The following ARHGAP10 variants were observed in gnomAD, a reference collection of about 807,000 sequenced individuals.
ARHGAP10 encodes rho GTPase-activating protein 10.
ARHGAP10 carries 87 observed loss-of-function variants against 108.6 expected under a neutral mutation model. The ratio of observed to expected loss-of-function variants is 0.80; its 90% CI spans 0.67 to 0.96. The LOEUF (loss-of-function observed/expected upper bound fraction) is 0.96. ARHGAP10 is among the 40% of genes least tolerant of loss of function. The pLI is 0.00. For missense variants in ARHGAP10, 939 were observed against 954.5 expected, an observed-to-expected ratio of 0.98 and a Z score of 0.21; for synonymous variants, 347 against 341.1, an observed-to-expected ratio of 1.02 and a Z score of -0.19.
At chr4:147,735,650 A>C (rs779602928) in intron 1 of ARHGAP10, among the ~76,000 whole-genome samples, 62 of 152,212 alleles carry the variant, frequency 4.1e-4, no homozygotes, top group Non-Finnish European at 7.6e-4. Context: ...CATAATAGCA[A>C]AGAGATGGTT....
chr4:147,919,147 C>A (rs1737118949), intron 13 of ARHGAP10, among the ~76,000 whole-genome samples: 1 of 152,192 alleles, frequency 6.6e-6, no homozygotes, highest in Non-Finnish European at 1.5e-5. Flanking sequence ...AGGCTTCAGA[C>A]AAATGTCTAA....
At chr4:147,855,692 T>G (rs1373831348) in intron 4 of ARHGAP10, among the ~76,000 whole-genome samples, 10 of 151,330 alleles carry the variant, frequency 6.6e-5, no homozygotes, top group African/African-American at 2.4e-4. Flanking sequence ...GTTTTTTTTT[T>G]TTTTTTTTTT....
intron 1 of ARHGAP10, among the ~76,000 whole-genome samples, chr4:147,787,430 T>C (rs1270618632): frequency 7.7e-6 from 1 of 129,050 alleles, no homozygotes; most frequent in Non-Finnish European, 1.7e-5. Context: ...ATCACTCTCT[T>C]GGCTGAGTGG....
At chr4:147,773,499 T>C (rs1579026434) in intron 1 of ARHGAP10, among the ~76,000 whole-genome samples, 1 of 152,332 alleles carries the variant, frequency 6.6e-6, no homozygotes, top group East Asian at 1.9e-4. Flanking sequence ...CAGTGTTATG[T>C]TTTACAGCAT....
At chr4:148,049,832 T>G (rs1400026425) in intron 20 of ARHGAP10, among the ~76,000 whole-genome samples, 1 of 17,042 alleles carries the variant, frequency 5.9e-5, no homozygotes, top group Non-Finnish European at 1.3e-4. Flanking sequence ...TTTTTTTGGG[T>G]GGGGGGGCGG....
intron 1 of ARHGAP10, among the ~76,000 whole-genome samples, chr4:147,751,913 G>A (rs1268716494): frequency 1.4e-5 from 2 of 144,180 alleles, no homozygotes; most frequent in East Asian, 4.1e-4. Flanking sequence ...TTAAGATGGA[G>A]TGTTGCTCTG....
intron 10 of ARHGAP10, among the ~76,000 whole-genome samples, chr4:147,893,517 AATAT>A (rs776406707): frequency 6.8e-6 from 1 of 147,546 alleles, no homozygotes; most frequent in African/African-American, 2.5e-5. Context: ...GTATAATAAG[AATAT>A]ATATATTTCA....
intron 18 of ARHGAP10, among the ~76,000 whole-genome samples, chr4:147,975,281 G>T (rs376152015): frequency 6.6e-6 from 1 of 152,122 alleles, no homozygotes; most frequent in African/African-American, 2.4e-5. Flanking sequence ...CTGCCCAGAG[G>T]TGTCTTCATG....
At chr4:147,841,591 T>C (rs749729690) in intron 3 of ARHGAP10, among the ~76,000 whole-genome samples, 2 of 152,184 alleles carry the variant, frequency 1.3e-5, no homozygotes, top group Non-Finnish European at 2.9e-5. Context: ...ATATAATATT[T>C]CTGTGAAATT....
chr4:147,820,811 A>G (rs781624902), intron 1 of ARHGAP10, among the ~76,000 whole-genome samples: 2 of 151,918 alleles, frequency 1.3e-5, no homozygotes, highest in Non-Finnish European at 2.9e-5. Flanking sequence ...GGCTAGTCTC[A>G]AACTCCTGGT....
chr4:147,937,513 C>T (rs775036774), intron 13 of ARHGAP10, among the ~76,000 whole-genome samples: 2 of 152,132 alleles, frequency 1.3e-5, no homozygotes, highest in Non-Finnish European at 1.5e-5. Context: ...ATTTGTAAAA[C>T]TTAAAAAATA....
At chr4:147,838,289 C>A (rs1023878248) in intron 3 of ARHGAP10, among the ~76,000 whole-genome samples, 1 of 152,062 alleles carries the variant, frequency 6.6e-6, no homozygotes, top group Non-Finnish European at 1.5e-5. Flanking sequence ...GTTAGCAGCC[C>A]ATTTGGACAG....
At chr4:147,999,289 A>C (rs2149642918) in intron 18 of ARHGAP10, among the ~76,000 whole-genome samples, 1 of 152,350 alleles carries the variant, frequency 6.6e-6, no homozygotes, top group South Asian at 2.1e-4. Context: ...AGTGATTGGG[A>C]TATAAACCCA....
chr4:147,770,482 G>C (rs1331569426), intron 1 of ARHGAP10, among the ~76,000 whole-genome samples: 1 of 152,174 alleles, frequency 6.6e-6, no homozygotes, highest in Non-Finnish European at 1.5e-5. Context: ...CTGAGATTGT[G>C]CTACTGCACT....
chr4:147,780,545 G>A (rs1374454635), intron 1 of ARHGAP10, among the ~76,000 whole-genome samples: 3 of 66,914 alleles, frequency 4.5e-5, no homozygotes, highest in Non-Finnish European at 6.3e-5. Context: ...AGGGCCTTGG[G>A]AAGAAGGAGA....
chr4:147,934,513 G>A (rs1435607853), intron 13 of ARHGAP10, among the ~76,000 whole-genome samples: 1 of 152,166 alleles, frequency 6.6e-6, no homozygotes, highest in Non-Finnish European at 1.5e-5. Flanking sequence ...TTGATTTTGG[G>A]AGTTGTGACT....
At chr4:147,786,600 T>C (rs1056453366) in intron 1 of ARHGAP10, among the ~76,000 whole-genome samples, 1 of 152,232 alleles carries the variant, frequency 6.6e-6, no homozygotes, top group Non-Finnish European at 1.5e-5. Flanking sequence ...AAAGTTTTAA[T>C]GTTTCAAAGG....
chr4:147,870,026 G>T (rs1288544104), intron 7 of ARHGAP10, among the ~76,000 whole-genome samples: 3 of 151,650 alleles, frequency 2.0e-5, no homozygotes, highest in Admixed American at 2.0e-4. Context: ...GTGTGTGTGT[G>T]TGTGTGTGTG....
intron 1 of ARHGAP10, among the ~76,000 whole-genome samples, chr4:147,757,813 C>T (rs72953481): frequency 0.024 from 3,617 of 152,248 alleles, 144 homozygotes; most frequent in African/African-American, 0.082. Flanking sequence ...GCCTGGCTCA[C>T]GCTGGTCATT....
Sources: allele counts gnomAD v4.1 joint callset (sites outside exome capture counted in the v4.1 genomes callset), GRCh38; gene constraint gnomAD v4.1.1; transcripts MANE v1.5; gene names NCBI Gene and HGNC (gene_info 2026-07-23, HGNC 2026-07-21).